ZNRF3: variants seen among roughly 807,000 people sequenced by gnomAD.
The protein encoded by ZNRF3 is zinc and ring finger 3, also known as E3 ubiquitin-protein ligase ZNRF3.
A neutral mutation model predicts 72.5 loss-of-function variants in ZNRF3; 23 were observed. The ratio of observed to expected loss-of-function variants is 0.32; its 90% confidence interval spans 0.23 to 0.45. The LOEUF (loss-of-function observed/expected upper bound fraction) is 0.45. Ranked by LOEUF, ZNRF3 falls within the 20% of genes least tolerant of loss-of-function variation. The probability of loss-of-function intolerance (pLI) is 1.00; values close to 1 mark genes in which losing one functional copy is unlikely to be tolerated. For missense variants in ZNRF3, 1,169 were observed against 1,272.1 expected (o/e 0.92, Z 1.23); for synonymous variants, 610 against 545.3 (o/e 1.12, Z -1.65).
chr22:28,905,406 G>A (rs573252123), intron 1 of ZNRF3, among the ~76,000 whole-genome samples: 2 of 152,270 alleles, frequency 1.3e-5, no homozygotes, highest in South Asian at 4.1e-4. Flanking sequence ...ATCATTTCAG[G>A]CTTGCTCTGT....
At chr22:29,034,547 G>A (rs1454081996) in intron 2 of ZNRF3, among the ~76,000 whole-genome samples, 1 of 152,206 alleles carries the variant, frequency 6.6e-6, no homozygotes, top group Non-Finnish European at 1.5e-5. Context: ...AAAAGTTTGG[G>A]ATGCTGGGTA....
chr22:29,056,589 A>T lies in ZNRF3; in HGVS notation c.*2967A>T, dbSNP rs2037304092. The T allele has an allele frequency of 6.6e-6, 1 of 152,208 alleles. No individual in the cohort carries two copies. The highest frequency in any genetic ancestry group is 2.4e-5 in the African/African-American group (1 of 41,450). The allele number at this position is 152,208 out of a possible 1,614,324, so 9.4% of individuals were successfully genotyped here. ...TCTGAGTGGTGTGTAGTGGTTTTAT[A>T]GCCATGGAAACTAGGAGTATCTCAC... On this transcript the variant is annotated 3_prime_UTR_variant, in exon 9 of 9. Transcript: ENST00000544604.
intron 2 of ZNRF3, among the ~76,000 whole-genome samples, chr22:28,994,970 A>G (rs1181633989): frequency 6.6e-6 from 1 of 152,236 alleles, no homozygotes; most frequent in Non-Finnish European, 1.5e-5. Flanking sequence ...TCTAGGTACA[A>G]TGAGGACAGA....
intron 2 of ZNRF3, among the ~76,000 whole-genome samples, chr22:29,021,583 G>T (rs933512363): frequency 6.6e-6 from 1 of 151,688 alleles, no homozygotes; most frequent in Non-Finnish European, 1.5e-5. Flanking sequence ...CGCCTCCCAG[G>T]TTCTAGAGAT....
chr22:28,962,727 A>T (rs972967343), intron 1 of ZNRF3, among the ~76,000 whole-genome samples: 1 of 152,216 alleles, frequency 6.6e-6, no homozygotes, highest in Non-Finnish European at 1.5e-5. Context: ...AAAAGCTCCT[A>T]TATGAAGGAA....
At chr22:28,951,062 A>T (rs2035152210) in intron 1 of ZNRF3, among the ~76,000 whole-genome samples, 1 of 152,184 alleles carries the variant, frequency 6.6e-6, no homozygotes, top group East Asian at 1.9e-4. Context: ...TAAAAAAATT[A>T]TTCATTTAAC....
Position 28,983,310 on chromosome 22 carries a change from G to C in ZNRF3, c.301-3766G>C, listed in dbSNP as rs184447765. 3.5e-3 allele frequency among the ~76,000 whole-genome samples: 531 copies of C among 152,128 alleles called. 3 individuals are homozygous for C. The highest frequency in any genetic ancestry group is 0.012 in the African/African-American group (509 of 41,468). On this transcript the variant is annotated intron_variant, in intron 1 of 8. Coordinates refer to ENST00000544604, the MANE Select transcript of ZNRF3 (RefSeq NM_001206998.2). The stretch of plus-strand genomic sequence containing the variant: ...CAATGAAATGTGGCCCAGGGCACCA[G>C]CCTGACAGCCCCGAGGGACCCCTGG...
intron 2 of ZNRF3, among the ~76,000 whole-genome samples, chr22:29,007,360 T>C (rs1490288495): frequency 6.6e-6 from 1 of 152,204 alleles, no homozygotes. Context: ...GTTCACGTCA[T>C]GCACGGTGGC....
intron 2 of ZNRF3, among the ~76,000 whole-genome samples, chr22:29,041,731 C>A (rs2036965738): frequency 6.6e-6 from 1 of 152,146 alleles, no homozygotes; most frequent in South Asian, 2.1e-4. Context: ...GCTTCAAAAC[C>A]CCATTTACAA....
rs2037289689 is a variant in ZNRF3, at chr22:29,055,912, A to G, written c.*2290A>G. On this transcript the variant is annotated 3_prime_UTR_variant, in exon 9 of 9. Transcript: ENST00000544604. ...GCCCTGGCTGGAAAACCACCTCTCA[A>G]TAGCCTTAAGCAATAAATAGATGAG... The G allele has an allele frequency of 6.6e-6, 1 of 152,078 alleles. No individual in the cohort carries two copies. The highest frequency in any genetic ancestry group is 2.4e-5 in the African/African-American group (1 of 41,394). The allele number at this position is 152,078 out of a possible 1,614,324, so 9.4% of individuals were successfully genotyped here.
chr22:29,052,062 G>T (rs1221145659), intron 8 of ZNRF3, among the ~76,000 whole-genome samples: 1 of 152,110 alleles, frequency 6.6e-6, no homozygotes, highest in African/African-American at 2.4e-5. Context: ...ACAAGTCCAG[G>T]TATTTTATTA....
chr22:28,893,909 A>G (rs77894185), intron 1 of ZNRF3, among the ~76,000 whole-genome samples: 259 of 152,232 alleles, frequency 1.7e-3, no homozygotes, highest in African/African-American at 5.9e-3. Context: ...GGAGTGGTCT[A>G]GTTTATACAC....
intron 2 of ZNRF3, among the ~76,000 whole-genome samples, chr22:29,020,014 C>A (rs547287773): frequency 2.0e-5 from 3 of 152,116 alleles, no homozygotes; most frequent in South Asian, 2.1e-4. Flanking sequence ...GACCTCCCCC[C>A]CAATCCCCCC....
rs1037789922 is a variant in ZNRF3 at position 28,895,560 on chromosome 22, G to C, written c.300+11494G>C. On this transcript the variant is annotated intron_variant, in intron 1 of 8. Transcript: ENST00000544604. ...CGGGTGCCTGTAGTCCCAGCTACTC[G>C]GGAGGCTGAGGCAGGAGAATGGCAT... 1.5e-4 allele frequency among the ~76,000 whole-genome samples: 23 copies of C among 152,174 alleles called. 1 individual carries two copies. The highest frequency in any genetic ancestry group is 7.8e-4 in the Admixed American group (12 of 15,294).
At chr22:28,927,613 T>G (rs2034628260) in intron 1 of ZNRF3, among the ~76,000 whole-genome samples, 1 of 152,162 alleles carries the variant, frequency 6.6e-6, no homozygotes, top group Non-Finnish European at 1.5e-5. Context: ...GTGTGTAAGG[T>G]CTTTTAGAGT....
At position 28,916,116 on chromosome 22, in the gene ZNRF3, C is replaced by T. The variant is rs543159803; in HGVS notation, c.300+32050C>T. Reference sequence around the variant, plus strand: ...TTGCTCTGTTGCCCAGGCCAGAGTACAATGGTGCCATCACAGCTCACTGCA... The same window carrying T: ...TTGCTCTGTTGCCCAGGCCAGAGTATAATGGTGCCATCACAGCTCACTGCA... On this transcript the variant is annotated intron_variant, in intron 1 of 8. Transcript: ENST00000544604. Among the ~76,000 whole-genome samples the T allele has an allele frequency of 2.6e-5, 4 of 152,274 alleles. No homozygotes were observed. The South Asian group carries it at 8.3e-4, about 32-fold the overall frequency.
chr22:28,938,379 C>T (rs897608772), intron 1 of ZNRF3, among the ~76,000 whole-genome samples: 3 of 152,010 alleles, frequency 2.0e-5, no homozygotes. Context: ...TCTGGCACAC[C>T]TCCCTTTTAT....
In ZNRF3 at chr22:28,995,224, G is replaced by A. The variant is rs2036027457; in HGVS notation, c.426+8023G>A. Among the ~76,000 whole-genome samples, 3 of 152,014 alleles carry A rather than the reference G, an allele frequency of 2.0e-5. No homozygotes were observed. The South Asian group carries it at 6.2e-4, about 32-fold the overall frequency. ...TGAGGCGGGTGGATCACGAGGTCAG[G>A]AGAGCCAGACCATCCTGGCTAACAC... On this transcript the variant is annotated intron_variant, in intron 2 of 8. Transcript: ENST00000544604.
intron 1 of ZNRF3, among the ~76,000 whole-genome samples, chr22:28,972,946 CGCAT>C (rs1216456174): frequency 2.0e-5 from 3 of 152,244 alleles, no homozygotes; most frequent in South Asian, 2.1e-4. Flanking sequence ...TGTAAAAGTT[CGCAT>C]ACATTTTCTT....
Sources: gnomAD v4.1 joint callset for allele counts (sites outside exome capture counted in the v4.1 genomes callset) on GRCh38, gnomAD v4.1.1 for gene constraint, MANE v1.5 for transcripts, NCBI Gene and HGNC (gene_info 2026-07-23, HGNC 2026-07-21) for gene names.